Variants in ABCB7 observed in about 807,000 individuals in gnomAD.
ABCB7 encodes the protein iron-sulfur clusters transporter ABCB7, mitochondrial.
ABCB7 carries 7 observed loss-of-function variants against 54.4 expected under a neutral mutation model. That is an observed-to-expected ratio of 0.13 (90% CI 0.07 to 0.24). The LOEUF (loss-of-function observed/expected upper bound fraction) is 0.24, where lower values mean the gene tolerates loss of function less well. Ranked by LOEUF, ABCB7 falls within the 10% of genes least tolerant of loss-of-function variation. The pLI is 1.00. For missense variants in ABCB7, 356 were observed against 570.4 expected (o/e 0.62, Z 3.83); for synonymous variants, 218 against 207.1 (o/e 1.05, Z -0.45).
intron 3 of ABCB7, among the ~76,000 whole-genome samples, chrX:75,103,919 G>C (rs1478817007): frequency 2.8e-5 from 3 of 108,557 alleles, no homozygotes; most frequent in Non-Finnish European, 5.8e-5. Context: ...TCAACTAAGA[G>C]GGACAATCTG....
intron 9 of ABCB7, 131 bp downstream of exon 9, chrX:75,071,378 G>A: frequency 1.3e-6 from 1 of 755,734 alleles, no homozygotes; most frequent in Admixed American, 2.5e-5. Context: ...CTGATACAGA[G>A]AAAAGTACTC....
At chrX:75,129,719 G>A (rs781427094) in intron 1 of ABCB7, among the ~76,000 whole-genome samples, 3 of 109,309 alleles carry the variant, frequency 2.7e-5, no homozygotes, top group South Asian at 8.1e-4. Flanking sequence ...TAGAGGGTTC[G>A]CTGAAGGCCA....
chrX:75,109,468 TA>T (rs1186454218), intron 3 of ABCB7, among the ~76,000 whole-genome samples: 1 of 110,430 alleles, frequency 9.1e-6, no homozygotes, highest in Non-Finnish European at 1.9e-5. Flanking sequence ...TGGCCCTTGA[TA>T]AGAAAATGAA....
intron 12 of ABCB7, among the ~76,000 whole-genome samples, chrX:75,066,041 CATTGAT>C (rs1316218926): frequency 8.9e-6 from 1 of 111,843 alleles, no homozygotes; most frequent in African/African-American, 3.2e-5. Flanking sequence ...GAAGCTTTGA[CATTGAT>C]ATTAAAACAG....
At chrX:75,149,778 G>A (rs1221602612) in intron 1 of ABCB7, among the ~76,000 whole-genome samples, 2 of 111,092 alleles carry the variant, frequency 1.8e-5, no homozygotes, top group East Asian at 5.6e-4. Flanking sequence ...AGCTTATAAG[G>A]AATGGTTTCA....
chrX:75,075,683 G>C, intron 5 of ABCB7, 53 bp from the exon 6 acceptor site: 3 of 1,116,583 alleles, frequency 2.7e-6, no homozygotes, highest in Non-Finnish European at 3.7e-6. Flanking sequence ...AGAATCAAAG[G>C]AGTATAGAAA....
chrX:75,141,768 C>T (rs1163810253), intron 1 of ABCB7, among the ~76,000 whole-genome samples: 2 of 110,635 alleles, frequency 1.8e-5, no homozygotes, highest in Non-Finnish European at 3.8e-5. Context: ...TCTGACAAAC[C>T]GCCCTCCAGA....
chrX:75,103,730 A>G (rs994067825), intron 3 of ABCB7, among the ~76,000 whole-genome samples: 2 of 110,548 alleles, frequency 1.8e-5, no homozygotes, highest in African/African-American at 6.6e-5. Context: ...TTTGGTAGCT[A>G]TTGTAAGTGG....
chrX:75,139,853 C>T (rs753758285), intron 1 of ABCB7, among the ~76,000 whole-genome samples: 6 of 111,404 alleles, frequency 5.4e-5, no homozygotes, highest in Non-Finnish European at 7.5e-5. Flanking sequence ...AAAAGTTCTG[C>T]GTATTTTAAT....
chrX:75,146,298 T>A (rs1420360119), intron 1 of ABCB7, among the ~76,000 whole-genome samples: 1 of 112,296 alleles, frequency 8.9e-6, no homozygotes, highest in Non-Finnish European at 1.9e-5. Flanking sequence ...TTGACATTGT[T>A]CACAGAACTA....
chrX:75,084,893 GC>G (rs1429692874), intron 4 of ABCB7, among the ~76,000 whole-genome samples: 3 of 111,699 alleles, frequency 2.7e-5, no homozygotes, highest in Non-Finnish European at 5.6e-5. Context: ...AATATCCCAG[GC>G]CTTAAGAGAA....
intron 3 of ABCB7, among the ~76,000 whole-genome samples, chrX:75,102,546 G>A (rs768175780): frequency 4.5e-5 from 5 of 111,023 alleles, no homozygotes; most frequent in East Asian, 2.8e-4. Flanking sequence ...TTATATTATC[G>A]TATTTCCCAC....
chrX:75,077,784 A>T (rs1299659770), intron 4 of ABCB7, among the ~76,000 whole-genome samples: 1 of 111,902 alleles, frequency 8.9e-6, no homozygotes, highest in Admixed American at 9.5e-5. Flanking sequence ...GTAACATGAG[A>T]TAAAGTGCTT....
At chrX:75,134,289 T>C (rs921746352) in intron 1 of ABCB7, among the ~76,000 whole-genome samples, 3 of 111,821 alleles carry the variant, frequency 2.7e-5, no homozygotes, top group African/African-American at 9.8e-5. Context: ...ATCCTAAATA[T>C]ATATGCACCT....
At chrX:75,080,689 T>A (rs2081448359) in intron 4 of ABCB7, among the ~76,000 whole-genome samples, 2 of 111,889 alleles carry the variant, frequency 1.8e-5, no homozygotes, top group Admixed American at 1.9e-4. Context: ...ATCATTTTTT[T>A]AAATTTCAAA....
chrX:75,107,764 AT>A (rs1316071964), intron 3 of ABCB7, among the ~76,000 whole-genome samples: 1 of 110,416 alleles, frequency 9.1e-6, no homozygotes, highest in African/African-American at 3.3e-5. Context: ...GACTCGGTAC[AT>A]TGCCACCCGT....
At chrX:75,106,596 A>G (rs2081704104) in intron 3 of ABCB7, among the ~76,000 whole-genome samples, 1 of 111,995 alleles carries the variant, frequency 8.9e-6, no homozygotes, top group Non-Finnish European at 1.9e-5. Flanking sequence ...AGATTTCTCA[A>G]AGAGCTAAAA....
Position 75,071,690 on chromosome X carries a change from AAT to A in ABCB7, c.1033-9_1033-8del. ...ATCTTTCATTATTAAAATACTACAAAATATATAAAAATAACTATAGGCAAGTA... is the reference window on the plus strand; with the variant it reads ...ATCTTTCATTATTAAAATACTACAAAATATAAAAATAACTATAGGCAAGTA... On this transcript the variant is annotated splice_polypyrimidine_tract_variant and splice_region_variant and intron_variant, in intron 8 of 15. Transcript: ENST00000373394. 2 of 1,076,186 alleles carry A rather than the reference AAT, an allele frequency of 1.9e-6. No individual in the cohort carries two copies. Among genetic ancestry groups the A allele is most frequent in the African/African-American group, 3.7e-5 (2 of 53,999 alleles). 88.7% of individuals were successfully genotyped at this position (1,076,186 alleles called of 1,213,427 possible). A position where few individuals can be genotyped will look rare whatever the true frequency, so the allele number is the denominator to read the frequency against.
intron 1 of ABCB7, among the ~76,000 whole-genome samples, chrX:75,141,646 A>G (rs2082054730): frequency 1.8e-5 from 2 of 112,028 alleles, no homozygotes; most frequent in Non-Finnish European, 3.8e-5. Context: ...GTATCTGTAT[A>G]TTAACTTATA....
Sources: gnomAD v4.1 joint callset for allele counts (sites outside exome capture counted in the v4.1 genomes callset) on GRCh38, gnomAD v4.1.1 for gene constraint, MANE v1.5 for transcripts, NCBI Gene and HGNC (gene_info 2026-07-23, HGNC 2026-07-21) for gene names.